The following MACROD2 variants were observed in gnomAD, a reference collection of about 807,000 sequenced individuals.
MACROD2 encodes ADP-ribose glycohydrolase MACROD2.
Under a neutral mutation model 70.4 loss-of-function variants are expected in MACROD2, and 36 were observed. The observed-to-expected ratio is 0.51, with a 90% confidence interval of 0.39 to 0.68. MACROD2 has a LOEUF of 0.68. Among genes scored for constraint, MACROD2 ranks in the 30% least tolerant of loss-of-function variants. The probability of loss-of-function intolerance (pLI) is 0.00; values close to 1 mark genes in which losing one functional copy is unlikely to be tolerated. For synonymous variants in MACROD2, 172 were observed against 178.8 expected, an observed-to-expected ratio of 0.96 and a Z score of 0.30; for missense variants, 496 against 538.4, an observed-to-expected ratio of 0.92 and a Z score of 0.78.
At chr20:15,672,857 C>T (rs368295469) in intron 8 of MACROD2, among the ~76,000 whole-genome samples, 12 of 152,028 alleles carry the variant, frequency 7.9e-5, no homozygotes, top group South Asian at 2.1e-4. Context: ...GGGAGGGGCC[C>T]GGTGGTAGGT....
At chr20:14,926,472 C>G (rs1484884685) in intron 5 of MACROD2, among the ~76,000 whole-genome samples, 2 of 151,942 alleles carry the variant, frequency 1.3e-5, no homozygotes, top group African/African-American at 4.8e-5. Context: ...ATCACTTGAA[C>G]CCTGGAGGCA....
At chr20:14,735,456 C>G (rs1460515127) in intron 5 of MACROD2, among the ~76,000 whole-genome samples, 1 of 152,118 alleles carries the variant, frequency 6.6e-6, no homozygotes, top group Non-Finnish European at 1.5e-5. Context: ...CTTCACACCC[C>G]TGATAATGGC....
At chr20:14,601,976 C>T (rs759542471) in intron 4 of MACROD2, among the ~76,000 whole-genome samples, 61 of 152,280 alleles carry the variant, frequency 4.0e-4, no homozygotes, top group Non-Finnish European at 7.9e-4. Flanking sequence ...TTTATTTGCA[C>T]GTCTATTTCT....
intron 4 of MACROD2, among the ~76,000 whole-genome samples, chr20:14,510,479 A>C (rs2085017572): frequency 6.6e-6 from 1 of 152,096 alleles, no homozygotes; most frequent in Non-Finnish European, 1.5e-5. Context: ...AACAGTTGCC[A>C]GTTTATAATT....
chr20:15,194,408 A>G (rs1204777616), intron 5 of MACROD2, among the ~76,000 whole-genome samples: 1 of 152,090 alleles, frequency 6.6e-6, no homozygotes, highest in African/African-American at 2.4e-5. Flanking sequence ...GCATGCTTTA[A>G]CTGATTCTTA....
At chr20:15,299,408 A>G (rs745457932) in intron 6 of MACROD2, among the ~76,000 whole-genome samples, 2 of 152,218 alleles carry the variant, frequency 1.3e-5, no homozygotes, top group Non-Finnish European at 2.9e-5. Flanking sequence ...TAAACAAAGC[A>G]TGAACAGATT....
chr20:14,832,144 G>A (rs1237736521), intron 5 of MACROD2, among the ~76,000 whole-genome samples: 3 of 141,710 alleles, frequency 2.1e-5, no homozygotes, highest in Non-Finnish European at 3.0e-5. Context: ...CCGGGTTCAC[G>A]CCATTCTCCT....
chr20:15,301,591 C>CTTTTTTTTTTT lies in MACROD2; in HGVS notation c.540+71543_540+71553dup, dbSNP rs71340214. On this transcript the variant is annotated intron_variant, in intron 6 of 17. Coordinates refer to ENST00000684519, the MANE Select transcript of MACROD2 (RefSeq NM_001351661.2). Reference sequence around the variant, plus strand: ...GGAAGTTAGTAAGATGGTAGGTGGCCTTTTTTTTTTTTTTTTTTTTTTTGT... The same window carrying CTTTTTTTTTTT: ...GGAAGTTAGTAAGATGGTAGGTGGCCTTTTTTTTTTTTTTTTTTTTTTTTTTTTTTTTTTGT... 1.6e-3 allele frequency among the ~76,000 whole-genome samples: 126 copies of CTTTTTTTTTTT among 81,248 alleles called. 9 individuals are homozygous for CTTTTTTTTTTT. The highest frequency in any genetic ancestry group is 3.5e-3 in the South Asian group (7 of 1,986). The allele number at this position is 81,248 out of a possible 152,430, so 53.3% of individuals were successfully genotyped here.
intron 15 of MACROD2, among the ~76,000 whole-genome samples, chr20:16,017,537 A>T (rs1412009123): frequency 6.6e-6 from 1 of 152,204 alleles, no homozygotes; most frequent in Non-Finnish European, 1.5e-5. Context: ...CTTTAGAATG[A>T]AATTCAAATT....
At chr20:14,419,604 G>A (rs1370617345) in intron 3 of MACROD2, among the ~76,000 whole-genome samples, 2 of 151,878 alleles carry the variant, frequency 1.3e-5, no homozygotes, top group African/African-American at 4.8e-5. Flanking sequence ...TACCTTTATT[G>A]TAAAATATTT....
rs150689756 is a variant in MACROD2, at chr20:15,344,770, A to G, written c.541-86635A>G. 2.7e-4 allele frequency among the ~76,000 whole-genome samples: 41 copies of G among 152,314 alleles called. No homozygotes were observed. In the East Asian group the frequency reaches 7.5e-3, roughly 28 times the overall value. ...AAGATGTAGAATTAGTGACTAGAAGATAAGTAGCCATAGAAAAAGAATTGG... is the reference window on the plus strand; with the variant it reads ...AAGATGTAGAATTAGTGACTAGAAGGTAAGTAGCCATAGAAAAAGAATTGG... On this transcript the variant is annotated intron_variant, in intron 6 of 17. Transcript: ENST00000684519.
intron 3 of MACROD2, among the ~76,000 whole-genome samples, chr20:14,396,665 C>G (rs960694858): frequency 6.6e-6 from 1 of 152,024 alleles, no homozygotes; most frequent in Non-Finnish European, 1.5e-5. Flanking sequence ...GTGGCTCACG[C>G]CTGTAATCCC....
intron 7 of MACROD2, among the ~76,000 whole-genome samples, chr20:15,449,117 G>A (rs535175572): frequency 2.8e-4 from 42 of 152,176 alleles, no homozygotes; most frequent in African/African-American, 9.4e-4. Context: ...CCAGAAAACT[G>A]GGGACCATGT....
intron 3 of MACROD2, among the ~76,000 whole-genome samples, chr20:14,239,146 C>T (rs529379046): frequency 6.6e-6 from 1 of 151,546 alleles, no homozygotes; most frequent in East Asian, 1.9e-4. Flanking sequence ...GAATAAAGTA[C>T]TTAGGAATAC....
At chr20:14,668,744 A>T (rs2070763381) in intron 4 of MACROD2, among the ~76,000 whole-genome samples, 1 of 152,210 alleles carries the variant, frequency 6.6e-6, no homozygotes, top group Non-Finnish European at 1.5e-5. Context: ...TTTTAATGCT[A>T]AAAAGAGCTT....
chr20:15,016,560 C>A (rs942724701), intron 5 of MACROD2, among the ~76,000 whole-genome samples: 1 of 152,110 alleles, frequency 6.6e-6, no homozygotes, highest in African/African-American at 2.4e-5. Context: ...TCTATTCCTT[C>A]ACACAAGAGT....
intron 5 of MACROD2, among the ~76,000 whole-genome samples, chr20:14,847,819 A>G (rs1371527809): frequency 6.6e-6 from 1 of 152,154 alleles, no homozygotes; most frequent in African/African-American, 2.4e-5. Context: ...TTGCCACCTC[A>G]GAGCCCTTTG....
chr20:14,812,032 A>G (rs1568810021), intron 5 of MACROD2, among the ~76,000 whole-genome samples: 1 of 152,100 alleles, frequency 6.6e-6, no homozygotes, highest in Non-Finnish European at 1.5e-5. Flanking sequence ...TTCCTCAAGG[A>G]TCTAGAACCA....
chr20:15,249,548 TC>T (rs2077136214), intron 6 of MACROD2, among the ~76,000 whole-genome samples: 1 of 152,052 alleles, frequency 6.6e-6, no homozygotes. Context: ...TTCCCAATAC[TC>T]CAAGGCACCC....
Sources: gnomAD v4.1 joint callset for allele counts (sites outside exome capture counted in the v4.1 genomes callset) on GRCh38, gnomAD v4.1.1 for gene constraint, MANE v1.5 for transcripts, NCBI Gene and HGNC (gene_info 2026-07-23, HGNC 2026-07-21) for gene names.